GKAP1: variants seen among roughly 807,000 people sequenced by gnomAD.
GKAP1 encodes G kinase anchoring protein 1.
A neutral mutation model predicts 56.7 loss-of-function variants in GKAP1; 31 were observed. That is an observed-to-expected ratio of 0.55 (90% CI 0.41 to 0.74). The LOEUF (loss-of-function observed/expected upper bound fraction) is 0.74. GKAP1 is among the 30% of genes least tolerant of loss of function. GKAP1 has a pLI of 0.00. For synonymous variants in GKAP1, 151 were observed against 138.6 expected, an observed-to-expected ratio of 1.09 and a Z score of -0.63; for missense variants, 364 against 402.3, an observed-to-expected ratio of 0.90 and a Z score of 0.82.
chr9:83,812,697 G>T (rs1944528957), intron 2 of GKAP1, among the ~76,000 whole-genome samples: 1 of 151,530 alleles, frequency 6.6e-6, no homozygotes. Context: ...AAGAAAAAAT[G>T]GTTATCTATA....
chr9:83,749,991 A>C (rs897871614), intron 9 of GKAP1, among the ~76,000 whole-genome samples: 3 of 152,166 alleles, frequency 2.0e-5, no homozygotes, highest in South Asian at 4.1e-4. Flanking sequence ...TGTGAATATG[A>C]AACTACACTC....
chr9:83,775,850 G>T (rs1239493212), intron 7 of GKAP1, among the ~76,000 whole-genome samples: 1 of 125,812 alleles, frequency 7.9e-6, no homozygotes, highest in Admixed American at 9.9e-5. Flanking sequence ...ACTCCAGCCA[G>T]GAGGACACAG....
intron 10 of GKAP1, among the ~76,000 whole-genome samples, chr9:83,746,495 G>A (rs943313573): frequency 6.6e-6 from 1 of 152,094 alleles, no homozygotes; most frequent in African/African-American, 2.4e-5. Context: ...GAGGTCAGGA[G>A]ATAAAGACCA....
intron 2 of GKAP1, among the ~76,000 whole-genome samples, chr9:83,815,217 T>C (rs1375936504): frequency 3.3e-5 from 5 of 151,916 alleles, no homozygotes; most frequent in Admixed American, 1.3e-4. Context: ...CTAGGATGCA[T>C]TGGCTGCTTA....
rs1435307381 is a variant in GKAP1, at chr9:83,794,571, T to C, written c.360+4614A>G. On this transcript the variant is annotated intron_variant, in intron 4 of 12. Transcript: ENST00000376371. Reference sequence around the variant, plus strand: ...TATTGTGCACATACTAACAGACATGTCACTTCAGAGTGAGAAAAATACCAG... The same window carrying C: ...TATTGTGCACATACTAACAGACATGCCACTTCAGAGTGAGAAAAATACCAG... Among the ~76,000 whole-genome samples the C allele has an allele frequency of 1.3e-5, 2 of 152,214 alleles. 1 individual carries two copies. The highest frequency in any genetic ancestry group is 2.9e-5 in the Non-Finnish European group (2 of 68,042).
chr9:83,817,090 G>A lies in GKAP1; in HGVS notation c.-138C>T, dbSNP rs1375622775. 1 of 152,194 alleles carries A rather than the reference G, an allele frequency of 6.6e-6. No homozygotes were observed. Among genetic ancestry groups the A allele is most frequent in the East Asian group, 1.9e-4 (1 of 5,194 alleles). 9.4% of individuals were successfully genotyped at this position (152,194 alleles called of 1,614,324 possible). On this transcript the variant is annotated 5_prime_UTR_variant, in exon 2 of 13. Coordinates refer to ENST00000376371, the MANE Select transcript of GKAP1 (RefSeq NM_025211.4). ...GTACATAGAGAAAGAAATTGCGCTG[G>A]GCGAAACCTAACTCGGGCAGAGAAG...
chr9:83,775,401 C>G (rs932789658), intron 7 of GKAP1, among the ~76,000 whole-genome samples: 2 of 151,984 alleles, frequency 1.3e-5, no homozygotes, highest in African/African-American at 4.8e-5. Flanking sequence ...GTTTTAGAAA[C>G]AGTAATCAAT....
intron 9 of GKAP1, 51 bp from the exon 10 acceptor site, chr9:83,748,423 T>C: frequency 9.7e-7 from 1 of 1,035,148 alleles, no homozygotes; most frequent in Non-Finnish European, 1.4e-6. Flanking sequence ...AGTGATATAA[T>C]TAATGATTTA....
At chr9:83,773,010 C>A (rs1288948836) in intron 7 of GKAP1, among the ~76,000 whole-genome samples, 1 of 152,108 alleles carries the variant, frequency 6.6e-6, no homozygotes, top group Non-Finnish European at 1.5e-5. Flanking sequence ...TTTTGAAAAA[C>A]AATTTGACAG....
At position 83,739,748 on chromosome 9, in the gene GKAP1, T is replaced by TAA. The variant is rs748846032; in HGVS notation, c.1054-6_1054-5dup. 9.1e-4 allele frequency: 1,336 copies of TAA among 1,460,664 alleles called. No homozygotes were observed. Among genetic ancestry groups the TAA allele is most frequent in the South Asian group, 1.3e-3 (104 of 82,720 alleles). 90.5% of individuals were successfully genotyped at this position (1,460,664 alleles called of 1,614,324 possible). On this transcript the variant is annotated splice_polypyrimidine_tract_variant and splice_region_variant and intron_variant, in intron 12 of 12. Transcript: ENST00000376371. ...TTCTTTTCCCTTTTCTGCCACCCTGTAAAAAAAAAAAAAAATAGGGAAAAT... is the reference window on the plus strand; with the variant it reads ...TTCTTTTCCCTTTTCTGCCACCCTGTAAAAAAAAAAAAAAAAATAGGGAAAAT...
intron 2 of GKAP1, among the ~76,000 whole-genome samples, chr9:83,811,001 T>C (rs1446264602): frequency 1.3e-5 from 2 of 152,212 alleles, no homozygotes; most frequent in African/African-American, 4.8e-5. Context: ...GGTAAGTATT[T>C]GTATATCTAA....
intron 9 of GKAP1, among the ~76,000 whole-genome samples, chr9:83,752,235 C>T (rs1436183046): frequency 6.6e-6 from 1 of 152,114 alleles, no homozygotes; most frequent in Non-Finnish European, 1.5e-5. Flanking sequence ...AACCCCGTCT[C>T]TACTAAAAAT....
At chr9:83,744,024 G>GT (rs751989613) in intron 10 of GKAP1, among the ~76,000 whole-genome samples, 44 of 152,162 alleles carry the variant, frequency 2.9e-4, no homozygotes, top group Non-Finnish European at 5.3e-4. Flanking sequence ...CTCTGCCAAT[G>GT]TAAGATTGTA....
At chr9:83,782,768 T>C (rs905022681) in intron 6 of GKAP1, among the ~76,000 whole-genome samples, 1 of 145,852 alleles carries the variant, frequency 6.9e-6, no homozygotes, top group African/African-American at 2.6e-5. Flanking sequence ...CCCGGTTCAA[T>C]AGATTCTCCT....
chr9:83,758,484 G>A (rs1943513291), intron 8 of GKAP1, among the ~76,000 whole-genome samples: 1 of 152,140 alleles, frequency 6.6e-6, no homozygotes, highest in Non-Finnish European at 1.5e-5. Flanking sequence ...TATGATCTCA[G>A]CAATTTGGGA....
chr9:83,763,122 G>A (rs1943602756), intron 8 of GKAP1, among the ~76,000 whole-genome samples: 1 of 152,144 alleles, frequency 6.6e-6, no homozygotes, highest in Non-Finnish European at 1.5e-5. Context: ...AAAAGATCTT[G>A]TTATTTGCAA....
chr9:83,781,255 T>G (rs1333778855), intron 6 of GKAP1, among the ~76,000 whole-genome samples: 3 of 152,158 alleles, frequency 2.0e-5, no homozygotes. Context: ...CCCAATTACT[T>G]GGGAGACTGA....
intron 4 of GKAP1, among the ~76,000 whole-genome samples, chr9:83,791,088 G>A (rs568745287): frequency 7.9e-5 from 12 of 151,972 alleles, no homozygotes; most frequent in South Asian, 2.1e-4. Flanking sequence ...CATTCTAATC[G>A]CATGATAAAA....
chr9:83,800,469 G>C (rs1174622997), intron 3 of GKAP1, among the ~76,000 whole-genome samples: 2 of 151,856 alleles, frequency 1.3e-5, no homozygotes, highest in Non-Finnish European at 2.9e-5. Flanking sequence ...AAATAGCTGG[G>C]ATTACAGTCA....
Sources: gnomAD v4.1 joint callset for allele counts (sites outside exome capture counted in the v4.1 genomes callset) on GRCh38, gnomAD v4.1.1 for gene constraint, MANE v1.5 for transcripts, NCBI Gene and HGNC (gene_info 2026-07-23, HGNC 2026-07-21) for gene names.